Variants in GOLGA7B observed in about 807,000 individuals in gnomAD.
GOLGA7B encodes the protein golgin A7 family member B.
In GOLGA7B, 17 loss-of-function variants were observed where a neutral mutation model predicts 21.5. That is an observed-to-expected ratio of 0.79 (90% CI 0.54 to 1.19). The LOEUF is 1.19. Among genes scored for constraint, GOLGA7B ranks in the 50% most tolerant of loss-of-function variants. The pLI is 0.00. For synonymous variants in GOLGA7B, 87 were observed against 84.0 expected (o/e 1.04, Z -0.19); for missense variants, 169 against 224.4 (o/e 0.75, Z 1.58).
At chr10:97,850,532 G>A (rs2136510896) in intron 1 of GOLGA7B, among the ~76,000 whole-genome samples, 1 of 152,276 alleles carries the variant, frequency 6.6e-6, no homozygotes, top group African/African-American at 2.4e-5. Flanking sequence ...CAAGCTGTCC[G>A]CGACACTTGT....
chr10:97,862,435 C>T (rs1489634847), intron 2 of GOLGA7B, among the ~76,000 whole-genome samples: 2 of 152,188 alleles, frequency 1.3e-5, no homozygotes, highest in African/African-American at 4.8e-5. Context: ...AGTTTATTAA[C>T]ACACATTTTG....
chr10:97,851,474 C>T (rs1034436153), intron 1 of GOLGA7B, among the ~76,000 whole-genome samples: 16 of 152,186 alleles, frequency 1.1e-4, no homozygotes, highest in Non-Finnish European at 1.3e-4. Flanking sequence ...GTTAGCTAGG[C>T]GGAGAGTTGC....
At chr10:97,850,401 C>A in intron 1 of GOLGA7B, 86 bp downstream of exon 1, 1 of 802,924 alleles carries the variant, frequency 1.2e-6, no homozygotes, top group South Asian at 1.8e-5. Context: ...GAGTGGGAGG[C>A]GGGAGTTGGG....
rs1156816203 is a variant in GOLGA7B at position 97,865,609 on chromosome 10, A to G, written c.413A>G (p.Glu138Gly). ...GMRVIEISIY[E>G]DRCSSGSSSS... Reference sequence around the variant, plus strand: ...CCCCAGATTGAGATCTCCATCTACGAGGACCGGTGCAGCAGTGGCAGCTCC... The same window carrying G: ...CCCCAGATTGAGATCTCCATCTACGGGGACCGGTGCAGCAGTGGCAGCTCC... The change falls in exon 5 of 5, where the codon GAG (glutamate) becomes GGG (glycine). Residue 138 changes from glutamate to glycine, a missense_variant. Glu to Gly is a moderately conservative substitution (Grantham distance 98). Coordinates refer to ENST00000370602, the MANE Select transcript of GOLGA7B (RefSeq NM_001010917.3). 1.2e-6 allele frequency: 2 copies of G among 1,613,598 alleles called. No individual in the cohort carries two copies. The highest frequency in any genetic ancestry group is 1.7e-6 in the Non-Finnish European group (2 of 1,179,658).
chr10:97,858,582 G>A (rs2049950821), intron 1 of GOLGA7B, among the ~76,000 whole-genome samples: 1 of 152,228 alleles, frequency 6.6e-6, no homozygotes. Context: ...CTGTGTCAAT[G>A]TGAAGTCCAC....
rs1381766668 is a variant in GOLGA7B at position 97,867,096 on chromosome 10, C to T, written c.*1396C>T. 6.6e-6 allele frequency: 1 copy of T among 152,322 alleles called. No homozygotes were observed. Among genetic ancestry groups the T allele is most frequent in the Admixed American group, 6.5e-5 (1 of 15,286 alleles). The allele number at this position is 152,322 out of a possible 1,614,324, so 9.4% of individuals were successfully genotyped here. A position where few individuals can be genotyped will look rare whatever the true frequency, so the allele number is the denominator to read the frequency against. On this transcript the variant is annotated 3_prime_UTR_variant, in exon 5 of 5. Coordinates refer to ENST00000370602, the MANE Select transcript of GOLGA7B (RefSeq NM_001010917.3). ...TGGCCTTTGGTGCCCCCTCTCAGCT[C>T]CCCATGACAAGACAACGGGGCTGCA... is the stretch of plus-strand genomic sequence containing the variant.
At chr10:97,851,524 C>T (rs142026454) in intron 1 of GOLGA7B, among the ~76,000 whole-genome samples, 1 of 152,180 alleles carries the variant, frequency 6.6e-6, no homozygotes, top group Non-Finnish European at 1.5e-5. Context: ...TGGGCAGACC[C>T]TGGGAGCTTG....
intron 3 of GOLGA7B, 25 bp downstream of exon 3, chr10:97,864,107 A>G: frequency 1.2e-6 from 2 of 1,614,036 alleles, no homozygotes; most frequent in Non-Finnish European, 8.5e-7. Flanking sequence ...CCCACCGTGC[A>G]TCCCTTCCCT....
chr10:97,853,352 G>A lies in GOLGA7B; in HGVS notation c.12+3037G>A, dbSNP rs370362795. Among the ~76,000 whole-genome samples, 6 of 152,312 alleles carry A rather than the reference G, an allele frequency of 3.9e-5. No homozygotes were observed. The South Asian group carries it at 6.2e-4, about 16-fold the overall frequency. On this transcript the variant is annotated intron_variant, in intron 1 of 4. Transcript: ENST00000370602. ...GGTTTTTAATGAGGATGAAGATGGC[G>A]CCAGGGGGGCACTCCTGTTGGACTT...
At chr10:97,857,158 T>C (rs891502430) in intron 1 of GOLGA7B, among the ~76,000 whole-genome samples, 6 of 152,210 alleles carry the variant, frequency 3.9e-5, no homozygotes, top group African/African-American at 1.4e-4. Flanking sequence ...CCTAGGCCAA[T>C]ATCCAGAAGA....
chr10:97,850,293 G>A lies in GOLGA7B; in HGVS notation c.-11G>A, dbSNP rs1216079580. ...CCCGGCCCCGCGACAGCCTCCGAGCGCCCCCGGATCATGGCCACCGAGGTA... is the reference window on the plus strand; with the variant it reads ...CCCGGCCCCGCGACAGCCTCCGAGCACCCCCGGATCATGGCCACCGAGGTA... On this transcript the variant is annotated 5_prime_UTR_variant, in exon 1 of 5. Coordinates refer to ENST00000370602, the MANE Select transcript of GOLGA7B (RefSeq NM_001010917.3). 10 of 1,499,768 alleles carry A rather than the reference G, an allele frequency of 6.7e-6. No homozygotes were observed. Among genetic ancestry groups the A allele is most frequent in the Non-Finnish European group, 8.0e-6 (9 of 1,127,310 alleles). The allele number at this position is 1,499,768 out of a possible 1,614,324, so 92.9% of individuals were successfully genotyped here.
At chr10:97,859,314 T>C (rs1370560898) in intron 1 of GOLGA7B, 144 bp from the exon 2 acceptor site, 10 of 773,754 alleles carry the variant, frequency 1.3e-5, no homozygotes, top group South Asian at 1.2e-4. Flanking sequence ...TTGGAGCACC[T>C]GTAGAGTGCC....
intron 1 of GOLGA7B, among the ~76,000 whole-genome samples, chr10:97,854,568 G>C (rs1406450838): frequency 6.6e-6 from 1 of 152,150 alleles, no homozygotes; most frequent in African/African-American, 2.4e-5. Flanking sequence ...ACTCCTCAGA[G>C]TTGCTCCTCC....
chr10:97,859,011 C>T (rs1328597861), intron 1 of GOLGA7B, among the ~76,000 whole-genome samples: 6 of 152,282 alleles, frequency 3.9e-5, no homozygotes, highest in South Asian at 2.1e-4. Context: ...TGTGTGTGCA[C>T]GTGCACGTGC....
chr10:97,868,957 G>A lies in GOLGA7B; in HGVS notation c.*3257G>A, dbSNP rs564121302. 3.3e-5 allele frequency: 5 copies of A among 152,312 alleles called. No individual in the cohort carries two copies. In the East Asian group the frequency reaches 7.7e-4, roughly 23 times the overall value. 9.4% of individuals were successfully genotyped at this position (152,312 alleles called of 1,614,324 possible). A position where few individuals can be genotyped will look rare whatever the true frequency, so the allele number is the denominator to read the frequency against. ...TTCAATTCTCACAGCAACCCTCTAT[G>A]GCATGGATTCTTATTTCCCATTTTA... On this transcript the variant is annotated 3_prime_UTR_variant, in exon 5 of 5. Transcript: ENST00000370602.
intron 1 of GOLGA7B, among the ~76,000 whole-genome samples, chr10:97,851,836 T>G (rs11819476): frequency 0.12 from 18,331 of 152,320 alleles, 1,451 homozygotes; most frequent in African/African-American, 0.22. Context: ...TCTATCTCTA[T>G]GTCAAGACAG....
chr10:97,850,194 G>GC lies in GOLGA7B; in HGVS notation c.-106dup. Reference sequence around the variant, plus strand: ...CGCCCGCATCAGCACTGCGGACAGCGCCCCGGGCCCCAGCTCGCCGCCACC... The same window carrying GC: ...CGCCCGCATCAGCACTGCGGACAGCGCCCCCGGGCCCCAGCTCGCCGCCACC... On this transcript the variant is annotated 5_prime_UTR_variant, in exon 1 of 5. Transcript: ENST00000370602. 1.8e-6 allele frequency: 1 copy of GC among 549,024 alleles called. No homozygotes were observed. The highest frequency in any genetic ancestry group is 2.7e-6 in the Non-Finnish European group (1 of 375,248). The allele number at this position is 549,024 out of a possible 1,614,324, so 34.0% of individuals were successfully genotyped here.
At chr10:97,865,377 A>AG in intron 4 of GOLGA7B, 1 of 758,348 alleles carries the variant, frequency 1.3e-6, no homozygotes. Context: ...TGCCCAGCAC[A>AG]GGGCCTGGCC....
Position 97,850,259 on chromosome 10 carries a change from C to A in GOLGA7B, c.-45C>A, listed in dbSNP as rs1241526703. The A allele has an allele frequency of 7.7e-6, 11 of 1,427,110 alleles. No individual in the cohort carries two copies. The highest frequency in any genetic ancestry group is 1.4e-5 in the South Asian group (1 of 74,070). The allele number at this position is 1,427,110 out of a possible 1,614,324, so 88.4% of individuals were successfully genotyped here. On this transcript the variant is annotated 5_prime_UTR_variant, in exon 1 of 5. Coordinates refer to ENST00000370602, the MANE Select transcript of GOLGA7B (RefSeq NM_001010917.3). Reference sequence around the variant, plus strand: ...GCTCCCGGGGTCAGCACCGCGGAGACCCCCCTCGCCCGGCCCCGCGACAGC... The same window carrying A: ...GCTCCCGGGGTCAGCACCGCGGAGAACCCCCTCGCCCGGCCCCGCGACAGC...
Sources: allele counts gnomAD v4.1 joint callset (sites outside exome capture counted in the v4.1 genomes callset), GRCh38; gene constraint gnomAD v4.1.1; transcripts MANE v1.5; gene names NCBI Gene and HGNC (gene_info 2026-07-23, HGNC 2026-07-21).